MIPEP: variants seen among roughly 807,000 people sequenced by gnomAD.
The protein encoded by MIPEP is mitochondrial intermediate peptidase.
A neutral mutation model predicts 90.3 loss-of-function variants in MIPEP; 79 were observed. The observed-to-expected ratio is 0.87, with a 90% CI of 0.73 to 1.05. The LOEUF (loss-of-function observed/expected upper bound fraction) is 1.05, where lower values mean the gene tolerates loss of function less well. MIPEP is among the 50% of genes least tolerant of loss of function. The pLI is 0.00. For missense variants in MIPEP, 940 were observed against 905.6 expected (o/e 1.04, Z -0.49); for synonymous variants, 334 against 315.8 (o/e 1.06, Z -0.61).
intron 14 of MIPEP, among the ~76,000 whole-genome samples, chr13:23,831,336 A>G (rs553862080): frequency 3.6e-4 from 48 of 133,398 alleles, no homozygotes; most frequent in Non-Finnish European, 6.0e-4. Context: ...GAAAACTCTG[A>G]GTACCCAAAT....
chr13:23,835,355 CA>C (rs903729998), intron 14 of MIPEP, among the ~76,000 whole-genome samples: 245 of 141,832 alleles, frequency 1.7e-3, no homozygotes, highest in African/African-American at 4.7e-3. Context: ...AAATCAAGTC[CA>C]AAAAAAAAAA....
intron 16 of MIPEP, among the ~76,000 whole-genome samples, chr13:23,783,661 G>C (rs1952806061): frequency 6.6e-6 from 1 of 152,172 alleles, no homozygotes; most frequent in South Asian, 2.1e-4. Flanking sequence ...AAGTCAAATA[G>C]TCCCTGTTTG....
intron 14 of MIPEP, among the ~76,000 whole-genome samples, chr13:23,813,412 T>G (rs908378359): frequency 9.2e-5 from 14 of 152,202 alleles, no homozygotes; most frequent in Admixed American, 6.5e-5. Flanking sequence ...ATATAACCTA[T>G]GCACATCCTC....
At chr13:23,773,461 G>A (rs1175899263) in intron 16 of MIPEP, among the ~76,000 whole-genome samples, 2 of 152,078 alleles carry the variant, frequency 1.3e-5, no homozygotes, top group African/African-American at 4.8e-5. Context: ...AGTTCTATTG[G>A]GTGAGAGTTC....
intron 18 of MIPEP, among the ~76,000 whole-genome samples, chr13:23,753,123 G>A (rs1300889654): frequency 6.6e-6 from 1 of 151,862 alleles, no homozygotes; most frequent in Non-Finnish European, 1.5e-5. Context: ...AGCTACTCAG[G>A]AGGCTGAGGC....
At chr13:23,849,574 T>C (rs1263255444) in intron 10 of MIPEP, among the ~76,000 whole-genome samples, 2 of 152,222 alleles carry the variant, frequency 1.3e-5, no homozygotes, top group African/African-American at 4.8e-5. Context: ...ACGTTACATA[T>C]GAGTTTACAG....
intron 14 of MIPEP, among the ~76,000 whole-genome samples, chr13:23,813,191 A>G (rs1953193927): frequency 2.6e-5 from 4 of 152,234 alleles, no homozygotes; most frequent in Admixed American, 2.6e-4. Context: ...TTTAAAAATA[A>G]ACAACGTTTC....
intron 16 of MIPEP, among the ~76,000 whole-genome samples, chr13:23,768,386 A>G (rs1181703584): frequency 1.3e-5 from 2 of 152,220 alleles, no homozygotes; most frequent in Admixed American, 6.5e-5. Flanking sequence ...GCTGAAAAGA[A>G]AGTTCTTACA....
At chr13:23,803,891 CT>C (rs1205397934) in intron 16 of MIPEP, among the ~76,000 whole-genome samples, 1 of 140,084 alleles carries the variant, frequency 7.1e-6, no homozygotes, top group African/African-American at 2.5e-5. Flanking sequence ...AAAATAATGT[CT>C]TTTTTTCTCT....
intron 14 of MIPEP, among the ~76,000 whole-genome samples, chr13:23,831,014 A>G (rs1868712154): frequency 6.6e-6 from 1 of 152,138 alleles, no homozygotes; most frequent in South Asian, 2.1e-4. Flanking sequence ...GGAATTGAGG[A>G]CAAAAGGGAA....
At chr13:23,749,004 C>T (rs1043414051) in intron 18 of MIPEP, among the ~76,000 whole-genome samples, 1 of 152,204 alleles carries the variant, frequency 6.6e-6, no homozygotes, top group African/African-American at 2.4e-5. Flanking sequence ...GCTGGGCACA[C>T]CAGCCTTGCC....
intron 14 of MIPEP, among the ~76,000 whole-genome samples, chr13:23,822,340 A>C (rs1381267262): frequency 1.3e-5 from 2 of 152,238 alleles, no homozygotes; most frequent in African/African-American, 2.4e-5. Context: ...AAGACAATGC[A>C]GCCTGTCTAA....
chr13:23,838,718 C>T (rs1338117355), intron 12 of MIPEP, among the ~76,000 whole-genome samples: 1 of 152,136 alleles, frequency 6.6e-6, no homozygotes, highest in African/African-American at 2.4e-5. Flanking sequence ...CTATTAGGAG[C>T]CAGGGCTCCT....
intron 16 of MIPEP, 69 bp downstream of exon 16, chr13:23,805,881 A>G (rs1953100940): frequency 6.5e-7 from 1 of 1,531,428 alleles, no homozygotes; most frequent in Non-Finnish European, 8.9e-7. Context: ...AGGGGAAGAT[A>G]ATCACAAGCT....
chr13:23,740,150 G>A (rs990292168), intron 18 of MIPEP, among the ~76,000 whole-genome samples: 1 of 152,172 alleles, frequency 6.6e-6, no homozygotes, highest in South Asian at 2.1e-4. Context: ...CCCATAAAAA[G>A]AACTTATCTG....
chr13:23,831,006 A>G (rs2137443993), intron 14 of MIPEP, among the ~76,000 whole-genome samples: 1 of 152,220 alleles, frequency 6.6e-6, no homozygotes, highest in African/African-American at 2.4e-5. Flanking sequence ...GAAACTGAGG[A>G]ATTGAGGACA....
intron 10 of MIPEP, among the ~76,000 whole-genome samples, chr13:23,843,680 T>C (rs1429483131): frequency 6.6e-6 from 1 of 152,100 alleles, no homozygotes; most frequent in East Asian, 1.9e-4. Context: ...GTGGACAGCA[T>C]GGAGGGTGGA....
chr13:23,840,415 T>C (rs150038344), intron 11 of MIPEP, among the ~76,000 whole-genome samples: 113 of 152,352 alleles, frequency 7.4e-4, no homozygotes, highest in African/African-American at 2.6e-3. Context: ...ACAACAGTGC[T>C]GGACCCCGGT....
At chr13:23,843,742 G>A (rs1211354560) in intron 10 of MIPEP, among the ~76,000 whole-genome samples, 1 of 152,164 alleles carries the variant, frequency 6.6e-6, no homozygotes, top group South Asian at 2.1e-4. Flanking sequence ...GGCTTCAGAG[G>A]GTGAACTCTG....
Sources: gnomAD v4.1 joint callset for allele counts (sites outside exome capture counted in the v4.1 genomes callset) on GRCh38, gnomAD v4.1.1 for gene constraint, MANE v1.5 for transcripts, NCBI Gene and HGNC (gene_info 2026-07-23, HGNC 2026-07-21) for gene names.